Variants in SLC30A9 observed in about 807,000 individuals in gnomAD.
SLC30A9 encodes solute carrier family 30 member 9.
A neutral mutation model predicts 87.5 loss-of-function variants in SLC30A9; 58 were observed. That is an observed-to-expected ratio of 0.66 (90% CI 0.54 to 0.82). The LOEUF is 0.82. Ranked by LOEUF, SLC30A9 falls within the 40% of genes least tolerant of loss-of-function variation. The pLI is 0.00. For synonymous variants in SLC30A9, 234 were observed against 233.0 expected (o/e 1.00, Z -0.04); for missense variants, 557 against 679.1 (o/e 0.82, Z 2.00).
chr4:42,078,162 C>T (rs1369047649), intron 16 of SLC30A9, 50 bp from the exon 17 acceptor site: 2 of 846,580 alleles, frequency 2.4e-6, no homozygotes, highest in Admixed American at 2.4e-5. Flanking sequence ...CATAAGTGTA[C>T]CACTATGGTT....
At chr4:42,005,988 T>G (rs1490947672) in intron 2 of SLC30A9, among the ~76,000 whole-genome samples, 1 of 152,174 alleles carries the variant, frequency 6.6e-6, no homozygotes, top group Non-Finnish European at 1.5e-5. Context: ...GATTAAAAGA[T>G]TTGGGGGGAA....
intron 6 of SLC30A9, among the ~76,000 whole-genome samples, chr4:42,034,207 G>T (rs1363979446): frequency 6.6e-6 from 1 of 150,994 alleles, no homozygotes; most frequent in Non-Finnish European, 1.5e-5. Flanking sequence ...ATTGAGAAAA[G>T]AATCTTACCA....
intron 1 of SLC30A9, among the ~76,000 whole-genome samples, chr4:41,999,746 A>G (rs1714896522): frequency 6.6e-6 from 1 of 152,132 alleles, no homozygotes; most frequent in Admixed American, 6.5e-5. Flanking sequence ...TAGTCCCAAT[A>G]TGTGGACTTT....
intron 2 of SLC30A9, among the ~76,000 whole-genome samples, chr4:42,008,495 A>T (rs1228248775): frequency 1.3e-5 from 2 of 152,200 alleles, no homozygotes; most frequent in Non-Finnish European, 2.9e-5. Context: ...CTAACCTGGA[A>T]CTAAAGATTT....
chr4:42,029,098 T>G lies in SLC30A9; in HGVS notation c.610+5714T>G, dbSNP rs1716309804. On this transcript the variant is annotated intron_variant, in intron 6 of 17. Coordinates refer to ENST00000264451, the MANE Select transcript of SLC30A9 (RefSeq NM_006345.4). ...GATCCGCAGTGGCAGTGGTGTGTCC[T>G]GTCTGCGGAGAGCCAGGCCAGAGAC... 1.4e-5 allele frequency: 4 copies of G among 282,546 alleles called. No individual in the cohort carries two copies. The South Asian group carries it at 1.7e-4, about 12-fold the overall frequency. 17.5% of individuals were successfully genotyped at this position (282,546 alleles called of 1,614,324 possible). A position where few individuals can be genotyped will look rare whatever the true frequency, so the allele number is the denominator to read the frequency against.
At chr4:42,013,927 A>G (rs766886602) in intron 2 of SLC30A9, among the ~76,000 whole-genome samples, 11 of 152,206 alleles carry the variant, frequency 7.2e-5, no homozygotes, top group Non-Finnish European at 1.3e-4. Flanking sequence ...CTGCACAACA[A>G]AGGAAACAGT....
At chr4:42,002,069 T>C (rs755155148) in intron 2 of SLC30A9, among the ~76,000 whole-genome samples, 2 of 152,088 alleles carry the variant, frequency 1.3e-5, no homozygotes, top group African/African-American at 4.8e-5. Context: ...TATGTAGTTA[T>C]GTCCTTTTTT....
At chr4:42,055,487 C>G (rs561586868) in intron 9 of SLC30A9, among the ~76,000 whole-genome samples, 2 of 152,100 alleles carry the variant, frequency 1.3e-5, no homozygotes, top group African/African-American at 4.8e-5. Flanking sequence ...CCCAGGTTCA[C>G]GCCATTCTCC....
intron 7 of SLC30A9, among the ~76,000 whole-genome samples, chr4:42,036,762 A>G (rs1407967222): frequency 6.6e-6 from 1 of 152,092 alleles, no homozygotes; most frequent in African/African-American, 2.4e-5. Context: ...TGATCACTGC[A>G]TTTCTGGCAC....
chr4:42,027,143 G>A (rs1332590071), intron 6 of SLC30A9, among the ~76,000 whole-genome samples: 2 of 152,130 alleles, frequency 1.3e-5, no homozygotes, highest in African/African-American at 4.8e-5. Context: ...GCCTGTTTTT[G>A]TATAGTTTAT....
chr4:42,014,405 A>C (rs1032417775), intron 2 of SLC30A9, among the ~76,000 whole-genome samples: 3 of 152,140 alleles, frequency 2.0e-5, no homozygotes, highest in Non-Finnish European at 4.4e-5. Flanking sequence ...ACATACAAAA[A>C]AATTAGCTGG....
intron 8 of SLC30A9, among the ~76,000 whole-genome samples, chr4:42,043,163 C>T (rs1014577464): frequency 2.6e-5 from 4 of 151,850 alleles, no homozygotes; most frequent in African/African-American, 7.3e-5. Flanking sequence ...AACCAGAACA[C>T]CTCTTCTCCT....
intron 8 of SLC30A9, among the ~76,000 whole-genome samples, chr4:42,047,541 G>A (rs1000598090): frequency 3.9e-5 from 6 of 152,164 alleles, no homozygotes; most frequent in African/African-American, 9.7e-5. Flanking sequence ...TCTATCTCAC[G>A]CCAGTTAGAT....
rs185861926 is a variant in SLC30A9, at chr4:41,996,772, G to A, written c.110-4844G>A. Among the ~76,000 whole-genome samples, 1,049 of 152,138 alleles carry A rather than the reference G, an allele frequency of 6.9e-3. 15 individuals carry two copies. Among genetic ancestry groups the A allele is most frequent in the African/African-American group, 0.024 (1,016 of 41,518 alleles). On this transcript the variant is annotated intron_variant, in intron 1 of 17. Coordinates refer to ENST00000264451, the MANE Select transcript of SLC30A9 (RefSeq NM_006345.4). ...AACACAGGTGGGTGCGGTGGCTCAT[G>A]CCTGTAGTCCCAGCACTTTGGGAGG...
chr4:42,029,508 T>C (rs1242837404), intron 6 of SLC30A9: 6 of 675,576 alleles, frequency 8.9e-6, no homozygotes, highest in Admixed American at 8.1e-5. Context: ...CCAAGCACTG[T>C]GAGGCATATG....
intron 14 of SLC30A9, among the ~76,000 whole-genome samples, chr4:42,067,654 T>A (rs1428111551): frequency 2.6e-5 from 4 of 152,252 alleles, no homozygotes; most frequent in African/African-American, 4.8e-5. Flanking sequence ...GCGAAAAATA[T>A]CAATTCCTAA....
intron 8 of SLC30A9, among the ~76,000 whole-genome samples, chr4:42,040,811 GAA>G (rs1369965987): frequency 6.9e-4 from 7 of 10,128 alleles, no homozygotes; most frequent in East Asian, 5.6e-3. Context: ...AAAAAAAAAA[GAA>G]AAAGAAAAAG....
At chr4:42,075,529 T>C (rs2153141014) in intron 15 of SLC30A9, 128 bp from the exon 16 acceptor site, 2 of 804,000 alleles carry the variant, frequency 2.5e-6, no homozygotes, top group South Asian at 3.5e-5. Flanking sequence ...GTGAATACTC[T>C]GAAGCCATCT....
chr4:42,072,831 T>TA (rs1412644647), intron 15 of SLC30A9, among the ~76,000 whole-genome samples: 5 of 124,096 alleles, frequency 4.0e-5, no homozygotes, highest in African/African-American at 1.3e-4. Flanking sequence ...TTTTTTTTTT[T>TA]AGATGGAGTT....
Sources: gnomAD v4.1 joint callset for allele counts (sites outside exome capture counted in the v4.1 genomes callset) on GRCh38, gnomAD v4.1.1 for gene constraint, MANE v1.5 for transcripts, NCBI Gene and HGNC (gene_info 2026-07-23, HGNC 2026-07-21) for gene names.